The following DENND4B variants were observed in gnomAD, a reference collection of about 807,000 sequenced individuals.
The protein encoded by DENND4B is DENN domain-containing protein 4B.
Under a neutral mutation model 161.0 loss-of-function variants are expected in DENND4B, and 67 were observed. The observed-to-expected ratio is 0.42, with a 90% CI of 0.34 to 0.51. The LOEUF (loss-of-function observed/expected upper bound fraction) is 0.51. DENND4B is among the 20% of genes least tolerant of loss of function. The probability of loss-of-function intolerance (pLI) is 0.08; values close to 1 mark genes in which losing one functional copy is unlikely to be tolerated. For synonymous variants in DENND4B, 753 were observed against 813.8 expected (o/e 0.93, Z 1.27); for missense variants, 1,481 against 1,968.0 (o/e 0.75, Z 4.68).
chr1:153,930,508 A>G lies in DENND4B; in HGVS notation c.4345+31T>C, dbSNP rs1464470534. On this transcript the variant is annotated intron_variant, in intron 27 of 27. Transcript: ENST00000361217. The surrounding 1 kb of genome is among the most constrained non-coding windows in gnomAD (Gnocchi z 4.7). ...CTCCCACACCTGGCCCCAGATCCCTAAACTCCTCAGCCCCTTGCCTGCAAT... is the reference window on the plus strand; with the variant it reads ...CTCCCACACCTGGCCCCAGATCCCTGAACTCCTCAGCCCCTTGCCTGCAAT... 5.0e-6 allele frequency: 8 copies of G among 1,613,900 alleles called. No individual in the cohort carries two copies. The highest frequency in any genetic ancestry group is 5.9e-6 in the Non-Finnish European group (7 of 1,179,886).
At chr1:153,943,982 C>T in intron 2 of DENND4B, 76 bp downstream of exon 2, 1 of 1,444,286 alleles carries the variant, frequency 6.9e-7, no homozygotes, top group African/African-American at 1.4e-5. Context: ...TCCCTTGTTC[C>T]ATAGTCCTAC....
Position 153,934,880 on chromosome 1 carries a change from C to T in DENND4B, c.2653G>A (p.Ala885Thr). 1 of 1,613,632 alleles carries T rather than the reference C, an allele frequency of 6.2e-7. No homozygotes were observed. Among genetic ancestry groups the T allele is most frequent in the East Asian group, 2.2e-5 (1 of 44,890 alleles). The change falls in exon 18 of 28, where the codon GCT becomes ACT. Residue 885 changes from alanine to threonine, a missense_variant. Physicochemically the swap from Ala to Thr is moderately conservative, Grantham distance 58. Coordinates refer to ENST00000361217, the MANE Select transcript of DENND4B (RefSeq NM_014856.3). The surrounding 1 kb of genome is among the most constrained non-coding windows in gnomAD (Gnocchi z 5.3). Reference sequence around the variant, plus strand: ...TCTCTCAAGGGCTGGCGGAACTGAGCAGCCCCCAGGACAACATTCCGGAGC... The same window carrying T: ...TCTCTCAAGGGCTGGCGGAACTGAGTAGCCCCCAGGACAACATTCCGGAGC... ...AKLRNVVLGA[A>T]QFRQPLRERQ...
chr1:153,936,194 C>T lies in DENND4B; in HGVS notation c.2440-6G>A, dbSNP rs777764891. On this transcript the variant is annotated splice_region_variant and splice_polypyrimidine_tract_variant and intron_variant, in intron 16 of 27. Transcript: ENST00000361217. The surrounding 1 kb of genome is among the most constrained non-coding windows in gnomAD (Gnocchi z 4.1). ...ATCAGTACCCGGTAACACACCTGGG[C>T]CAGGAGAGGCACAGGACAATGGGAG... is the stretch of plus-strand genomic sequence containing the variant. The T allele has an allele frequency of 3.1e-6, 5 of 1,601,204 alleles. No homozygotes were observed. The East Asian group carries it at 1.1e-4, about 36-fold the overall frequency.
In DENND4B at chr1:153,946,274, G is replaced by A. The variant is rs1679962437; in HGVS notation, c.-24+27C>T. ...TCCCTCCTGCCCGTCCCCGCCTGCC[G>A]CCCAGCCCGGTCCAGCCCCTACCTG... On this transcript the variant is annotated intron_variant, in intron 1 of 27. Transcript: ENST00000361217. This position sits in a 1 kb window ranked among gnomAD's most constrained non-coding sequence, Gnocchi z 6.3. The A allele has an allele frequency of 5.8e-6, 2 of 342,654 alleles. No homozygotes were observed. The highest frequency in any genetic ancestry group is 1.1e-5 in the Non-Finnish European group (2 of 190,050). 21.2% of individuals were successfully genotyped at this position (342,654 alleles called of 1,614,324 possible). A position where few individuals can be genotyped will look rare whatever the true frequency, so the allele number is the denominator to read the frequency against.
At position 153,943,019 on chromosome 1, in the gene DENND4B, G is replaced by A; in HGVS notation, c.429C>T (p.Thr143=). The change falls in exon 3 of 28, where the codon ACC becomes ACT. Residue 143 remains threonine, a synonymous_variant. Coordinates refer to ENST00000361217, the MANE Select transcript of DENND4B (RefSeq NM_014856.3). ...LAPPGPGHPR[T]YLTYRRAAEG... is the part of the protein sequence containing the mutation. ...CTGCTGCCCGCCGGTAAGTGAGGTAGGTGCGGGGGTGCCCGGGGCCTGGAG... is the reference window on the plus strand; with the variant it reads ...CTGCTGCCCGCCGGTAAGTGAGGTAAGTGCGGGGGTGCCCGGGGCCTGGAG... 3 of 1,614,040 alleles carry A rather than the reference G, an allele frequency of 1.9e-6. No homozygotes were observed. Among genetic ancestry groups the A allele is most frequent in the Non-Finnish European group, 2.5e-6 (3 of 1,179,898 alleles).
At position 153,934,673 on chromosome 1, in the gene DENND4B, C is replaced by T. The variant is rs572725559; in HGVS notation, c.2773+87G>A. ...CAATCCCCAGAAACCCAATGCCAAC[C>T]ATTAGACCAGCCCCAACTCTCTATG... On this transcript the variant is annotated intron_variant, in intron 18 of 27. Transcript: ENST00000361217. This position sits in a 1 kb window ranked among gnomAD's most constrained non-coding sequence, Gnocchi z 5.3. The T allele has an allele frequency of 2.2e-5, 33 of 1,522,002 alleles. No homozygotes were observed. The South Asian group carries it at 2.3e-4, about 11-fold the overall frequency. The allele number at this position is 1,522,002 out of a possible 1,614,324, so 94.3% of individuals were successfully genotyped here. A position where few individuals can be genotyped will look rare whatever the true frequency, so the allele number is the denominator to read the frequency against.
chr1:153,941,462 C>A, intron 6 of DENND4B, 22 bp from the exon 7 acceptor site: 2 of 1,604,994 alleles, frequency 1.2e-6, no homozygotes, highest in South Asian at 2.2e-5. Flanking sequence ...AGAAACAGGT[C>A]AGAGCATACT....
At position 153,936,207 on chromosome 1, in the gene DENND4B, A is replaced by G. The variant is rs771973077; in HGVS notation, c.2440-19T>C. 2.0e-5 allele frequency: 32 copies of G among 1,595,754 alleles called. No individual in the cohort carries two copies. Among genetic ancestry groups the G allele is most frequent in the Non-Finnish European group, 2.6e-5 (30 of 1,171,430 alleles). On this transcript the variant is annotated intron_variant, in intron 16 of 27. Transcript: ENST00000361217. The surrounding 1 kb of genome is among the most constrained non-coding windows in gnomAD (Gnocchi z 4.1). ...AACACACCTGGGCCAGGAGAGGCAC[A>G]GGACAATGGGAGACTCACTCTCAAC...
chr1:153,933,514 G>T lies in DENND4B; in HGVS notation c.3299C>A (p.Pro1100His), dbSNP rs1464227230. The change falls in exon 20 of 28, where the codon CCC becomes CAC. Residue 1100 changes from proline to histidine, a missense_variant. Pro to His is a moderately conservative substitution (Grantham distance 77). This residue lies in a region of DENND4B where 339 missense variants were observed against 330.3 expected (regional missense o/e 1.03). Transcript: ENST00000361217. The surrounding 1 kb of genome is among the most constrained non-coding windows in gnomAD (Gnocchi z 5.7). ...GGCAGTGGATCCAGGGCGCTCCCGG[G>T]GGTGCAGAAGACTGTCCATGGGGCT... is the stretch of plus-strand genomic sequence containing the variant. ...RRSPMDSLLHPRERPGSTASE... is the reference protein window; with the variant it reads ...RRSPMDSLLHHRERPGSTASE... 1 of 1,551,274 alleles carries T rather than the reference G, an allele frequency of 6.4e-7. No homozygotes were observed. Among genetic ancestry groups the T allele is most frequent in the Middle Eastern group, 2.0e-4 (1 of 4,940 alleles).
At position 153,940,191 on chromosome 1, in the gene DENND4B, G is replaced by A. The variant is rs767569455; in HGVS notation, c.1568C>T (p.Ala523Val). The change falls in exon 11 of 28, where the codon GCC becomes GTC. Residue 523 changes from alanine (A) to valine (V), a missense_variant. By Grantham distance (64) the Ala-to-Val change is moderately conservative. Coordinates refer to ENST00000361217, the MANE Select transcript of DENND4B (RefSeq NM_014856.3). This position sits in a 1 kb window ranked among gnomAD's most constrained non-coding sequence, Gnocchi z 5.6. ...LPRRPYKVLL[A>V]TLTNLYQQLD... Reference sequence around the variant, plus strand: ...CTGCTGGTACAGGTTTGTCAGTGTGGCCAGCAGAACCTTGTAGGGTCTGCG... The same window carrying A: ...CTGCTGGTACAGGTTTGTCAGTGTGACCAGCAGAACCTTGTAGGGTCTGCG... 1.3e-6 allele frequency: 2 copies of A among 1,595,476 alleles called. No individual in the cohort carries two copies. Among genetic ancestry groups the A allele is most frequent in the African/African-American group, 1.4e-5 (1 of 73,974 alleles).
rs1300657817 is a variant in DENND4B, at chr1:153,939,775, G to A, written c.1633C>T (p.Leu545=). Residue 545 remains leucine (L), a synonymous_variant, in exon 12 of 28, where the codon CTG becomes TTG. Transcript: ENST00000361217. ...TCGTAGTCTGTCAGTAGGAACTCCA[G>A]GGATGCTTCCTCCTCAGGTCCAGTG... is the stretch of plus-strand genomic sequence containing the variant. ...TYTGPEEEAS[L]EFLLTDYEAV... The A allele has an allele frequency of 1.2e-6, 2 of 1,613,766 alleles. No individual in the cohort carries two copies. Among genetic ancestry groups the A allele is most frequent in the Non-Finnish European group, 1.7e-6 (2 of 1,179,886 alleles).
At chr1:153,939,893 C>A in intron 11 of DENND4B, 89 bp from the exon 12 acceptor site, 3 of 1,320,874 alleles carry the variant, frequency 2.3e-6, no homozygotes, top group East Asian at 4.9e-5. Context: ...CACCTCCAGC[C>A]TCTGGCAGAC....
At chr1:153,935,819 C>T (rs1191550067) in intron 17 of DENND4B, 4 of 491,704 alleles carry the variant, frequency 8.1e-6, no homozygotes, top group Non-Finnish European at 1.5e-5. Flanking sequence ...GGACCCGTGC[C>T]TGGCTTAGCG....
rs1219438145 is a variant in DENND4B, at chr1:153,940,604, C to T, written c.1329G>A (p.Met443Ile). 1.2e-6 allele frequency: 2 copies of T among 1,611,468 alleles called. No individual in the cohort carries two copies. The highest frequency in any genetic ancestry group is 2.7e-5 in the African/African-American group (2 of 74,880). Residue 443 changes from methionine to isoleucine, a missense_variant and splice_region_variant, in exon 10 of 28, where the codon ATG (methionine) becomes ATA (isoleucine). Met to Ile is a conservative substitution (Grantham distance 10). Around this residue, in one of 3 missense-constraint regions of DENND4B, gnomAD observed 806 missense variants for 1,134.4 expected, o/e 0.71. Transcript: ENST00000361217. The surrounding 1 kb of genome is among the most constrained non-coding windows in gnomAD (Gnocchi z 5.6). ...LTSVCEALVS[M>I]IFPLHWQCPY... ...GGCACTGCCAGTGCAGTGGGAAGAT[C>T]ATCTGAAGCACCAGGCAGTGAGAAC...
In DENND4B at chr1:153,933,056, A is replaced by G. The variant is rs1679063114; in HGVS notation, c.3454-26T>C. 1.9e-6 allele frequency: 3 copies of G among 1,611,176 alleles called. No individual in the cohort carries two copies. Among genetic ancestry groups the G allele is most frequent in the African/African-American group, 1.3e-5 (1 of 74,842 alleles). On this transcript the variant is annotated intron_variant, in intron 21 of 27. Coordinates refer to ENST00000361217, the MANE Select transcript of DENND4B (RefSeq NM_014856.3). The surrounding 1 kb of genome is among the most constrained non-coding windows in gnomAD (Gnocchi z 5.7). ...CTGTGGGCAGGGAGAGTCGGGAAGT[A>G]GGTGCTGTCTGGCCGCCAGCACTCT... is the stretch of plus-strand genomic sequence containing the variant.
rs1179025102 is a variant in DENND4B at position 153,934,608 on chromosome 1, A to AT, written c.2773+151dup. On this transcript the variant is annotated intron_variant, in intron 18 of 27. Coordinates refer to ENST00000361217, the MANE Select transcript of DENND4B (RefSeq NM_014856.3). The surrounding 1 kb of genome is among the most constrained non-coding windows in gnomAD (Gnocchi z 5.3). ...AGGTGCGCGCCACCACGCCCAGCTAATTTTTTTATCCCTTTTGTTACCAGT... is the reference window on the plus strand; with the variant it reads ...AGGTGCGCGCCACCACGCCCAGCTAATTTTTTTTATCCCTTTTGTTACCAGT... 1.0e-5 allele frequency: 14 copies of AT among 1,369,380 alleles called. No individual in the cohort carries two copies. Among genetic ancestry groups the AT allele is most frequent in the South Asian group, 2.9e-5 (2 of 68,674 alleles). The allele number at this position is 1,369,380 out of a possible 1,614,324, so 84.8% of individuals were successfully genotyped here.
chr1:153,936,625 C>A lies in DENND4B; in HGVS notation c.2356G>T (p.Ala786Ser). ...TGCAGTGCCTGCACTCGGGAGGGTG[C>A]CGACCGCACATAGGCAGGCAGACAC... ...FLCLPAYVRS[A>S]PSRVQALHTA... The change falls in exon 16 of 28, where the codon GCA becomes TCA. Residue 786 changes from alanine (A) to serine (S), a missense_variant. Ala to Ser is a moderately conservative substitution (Grantham distance 99, BLOSUM62 1). Around this residue, in one of 3 missense-constraint regions of DENND4B, gnomAD observed 806 missense variants for 1,134.4 expected, o/e 0.71. Coordinates refer to ENST00000361217, the MANE Select transcript of DENND4B (RefSeq NM_014856.3). This position sits in a 1 kb window ranked among gnomAD's most constrained non-coding sequence, Gnocchi z 4.1. 6.2e-7 allele frequency: 1 copy of A among 1,613,112 alleles called. No individual in the cohort carries two copies. The highest frequency in any genetic ancestry group is 8.5e-7 in the Non-Finnish European group (1 of 1,179,458).
In DENND4B at chr1:153,929,559, A is replaced by G. The variant is rs183868522; in HGVS notation, c.*738T>C. 2.6e-5 allele frequency: 4 copies of G among 152,292 alleles called. No homozygotes were observed. The highest frequency in any genetic ancestry group is 2.6e-4 in the Admixed American group (4 of 15,294). 9.4% of individuals were successfully genotyped at this position (152,292 alleles called of 1,614,324 possible). A position where few individuals can be genotyped will look rare whatever the true frequency, so the allele number is the denominator to read the frequency against. On this transcript the variant is annotated 3_prime_UTR_variant, in exon 28 of 28. Coordinates refer to ENST00000361217, the MANE Select transcript of DENND4B (RefSeq NM_014856.3). ...ATCCAACAAAACTTCGCAGGGAACA[A>G]TCCTTATTGCACAGGTCAGGACCTG...
At position 153,934,445 on chromosome 1, in the gene DENND4B, GT is replaced by G. The variant is rs1553203255; in HGVS notation, c.2774-144del. 8.0e-7 allele frequency: 1 copy of G among 1,249,626 alleles called. No homozygotes were observed. Among genetic ancestry groups the G allele is most frequent in the Non-Finnish European group, 1.1e-6 (1 of 915,274 alleles). The allele number at this position is 1,249,626 out of a possible 1,614,324, so 77.4% of individuals were successfully genotyped here. A position where few individuals can be genotyped will look rare whatever the true frequency, so the allele number is the denominator to read the frequency against. On this transcript the variant is annotated intron_variant, in intron 18 of 27. Coordinates refer to ENST00000361217, the MANE Select transcript of DENND4B (RefSeq NM_014856.3). This position sits in a 1 kb window ranked among gnomAD's most constrained non-coding sequence, Gnocchi z 5.3. ...CCGTTTTGTGTTTGTTTGTTTGTTT[GT>G]TTTGTTTTGTTTTTTGAGATGGAGT...
Sources: allele counts gnomAD v4.1 joint callset, GRCh38; gene constraint gnomAD v4.1.1; regional missense constraint gnomAD v4.1.1; non-coding constraint Gnocchi (gnomAD v3.1); transcripts MANE v1.5; gene names NCBI Gene and HGNC (gene_info 2026-07-23, HGNC 2026-07-21).